The following TM9SF3 variants were observed in gnomAD, a reference collection of about 807,000 sequenced individuals.
TM9SF3 encodes SM-11044-binding protein.
In TM9SF3, 14 loss-of-function variants were observed where a neutral mutation model predicts 78.6. That is an observed-to-expected ratio of 0.18 (90% CI 0.12 to 0.28). TM9SF3 has a LOEUF of 0.28. TM9SF3 is among the 10% of genes least tolerant of loss of function. The pLI is 1.00. For missense variants in TM9SF3, 496 were observed against 721.9 expected (o/e 0.69, Z 3.59); for synonymous variants, 231 against 241.7 (o/e 0.96, Z 0.41).
chr10:96,564,128 C>CAA lies in TM9SF3; in HGVS notation c.421+1174_421+1175dup, dbSNP rs11379304. On this transcript the variant is annotated intron_variant, in intron 3 of 14. Transcript: ENST00000371142. ...AGACATCTTGTCTCTACAAACACACCAAAAAAAAAAAAAAAGAGCCAGGCA... is the reference window on the plus strand; with the variant it reads ...AGACATCTTGTCTCTACAAACACACCAAAAAAAAAAAAAAAAAGAGCCAGGCA... Among the ~76,000 whole-genome samples the CAA allele has an allele frequency of 2.8e-3, 360 of 129,272 alleles. 1 individual carries two copies. The highest frequency in any genetic ancestry group is 7.3e-3 in the African/African-American group (264 of 36,088). 84.8% of individuals were successfully genotyped at this position (129,272 alleles called of 152,430 possible).
At chr10:96,536,983 ATT>A (rs1217476700) in intron 9 of TM9SF3, among the ~76,000 whole-genome samples, 2 of 152,114 alleles carry the variant, frequency 1.3e-5, no homozygotes, top group African/African-American at 4.8e-5. Context: ...TCTTAATAAC[ATT>A]TTCTTTTCCC....
intron 5 of TM9SF3, 50 bp downstream of exon 5, chr10:96,559,609 G>T: frequency 1.5e-6 from 2 of 1,312,160 alleles, no homozygotes; most frequent in Non-Finnish European, 1.1e-6. Context: ...AATGTTTGTT[G>T]AACGAATTGG....
intron 7 of TM9SF3, among the ~76,000 whole-genome samples, chr10:96,549,527 T>C (rs1379995211): frequency 1.3e-5 from 2 of 152,110 alleles, no homozygotes; most frequent in Middle Eastern, 3.2e-3. Context: ...AAATAGAATA[T>C]TTCCTTCATA....
intron 1 of TM9SF3, among the ~76,000 whole-genome samples, chr10:96,578,253 CAT>C (rs1185587655): frequency 6.6e-5 from 10 of 152,150 alleles, no homozygotes; most frequent in African/African-American, 1.9e-4. Flanking sequence ...CTTTTGAACA[CAT>C]GTGACAGGTA....
intron 3 of TM9SF3, among the ~76,000 whole-genome samples, chr10:96,562,879 A>G (rs1266912303): frequency 6.6e-6 from 1 of 152,204 alleles, no homozygotes; most frequent in Admixed American, 6.5e-5. Flanking sequence ...ACCCAAGCCT[A>G]AACAGTTCCC....
intron 5 of TM9SF3, among the ~76,000 whole-genome samples, chr10:96,555,345 A>T (rs2134146320): frequency 6.6e-6 from 1 of 152,260 alleles, no homozygotes. Context: ...TCTCACATAG[A>T]TCTACTTCTA....
At chr10:96,561,310 A>G (rs1274403382) in intron 4 of TM9SF3, among the ~76,000 whole-genome samples, 1 of 152,216 alleles carries the variant, frequency 6.6e-6, no homozygotes, top group Non-Finnish European at 1.5e-5. Context: ...TACAACTATA[A>G]AATTTTTTCA....
chr10:96,577,310 A>C (rs1848507856), intron 1 of TM9SF3, among the ~76,000 whole-genome samples: 1 of 152,116 alleles, frequency 6.6e-6, no homozygotes, highest in Admixed American at 6.6e-5. Flanking sequence ...AGACTTTCAC[A>C]CAGCCACTGG....
At chr10:96,554,327 A>C (rs1270610849) in intron 5 of TM9SF3, among the ~76,000 whole-genome samples, 9 of 152,164 alleles carry the variant, frequency 5.9e-5, no homozygotes, top group African/African-American at 2.2e-4. Context: ...TTTTCAAAGA[A>C]GACATGTTCC....
At chr10:96,549,177 C>T (rs1325904092) in intron 7 of TM9SF3, among the ~76,000 whole-genome samples, 1 of 152,186 alleles carries the variant, frequency 6.6e-6, no homozygotes, top group Non-Finnish European at 1.5e-5. Flanking sequence ...GATACTGATC[C>T]TCTACCTTAT....
chr10:96,584,422 G>C (rs1848607250), intron 1 of TM9SF3, among the ~76,000 whole-genome samples: 1 of 152,216 alleles, frequency 6.6e-6, no homozygotes, highest in African/African-American at 2.4e-5. Flanking sequence ...TTGGCTAACA[G>C]TGAAAAAATA....
intron 1 of TM9SF3, among the ~76,000 whole-genome samples, chr10:96,584,048 A>G (rs2134164355): frequency 1.3e-5 from 2 of 152,204 alleles, no homozygotes; most frequent in Middle Eastern, 3.4e-3. Context: ...AAAACAAAAC[A>G]AAACAAACAA....
chr10:96,552,941 T>C lies in TM9SF3; in HGVS notation c.779A>G (p.Glu260Gly). 6.4e-7 allele frequency: 1 copy of C among 1,555,814 alleles called. No homozygotes were observed. Among genetic ancestry groups the C allele is most frequent in the Non-Finnish European group, 8.6e-7 (1 of 1,158,334 alleles). ...KDYARYSKEE[E>G]MDDMDRDLGD... The stretch of plus-strand genomic sequence containing the variant: ...ATGTTTACTCACCATATCATCCATT[T>C]CTTCCTCTTTACTGTACCGAGCATA... The change falls in exon 6 of 15, where the codon GAA (glutamate) becomes GGA (glycine). Residue 260 changes from glutamate (E) to glycine (G), a missense_variant. By Grantham distance (98) the Glu-to-Gly change is moderately conservative. This residue lies in a region of TM9SF3 where 280 missense variants were observed against 422.6 expected (regional missense o/e 0.66). Transcript: ENST00000371142.
At chr10:96,563,887 A>C (rs1361945032) in intron 3 of TM9SF3, among the ~76,000 whole-genome samples, 1 of 152,186 alleles carries the variant, frequency 6.6e-6, no homozygotes, top group East Asian at 1.9e-4. Flanking sequence ...AGGACATCCA[A>C]AAGTATTTCC....
chr10:96,547,794 TGG>T, intron 8 of TM9SF3, 99 bp downstream of exon 8: 1 of 963,120 alleles, frequency 1.0e-6, no homozygotes, highest in Non-Finnish European at 1.6e-6. Flanking sequence ...CACTCCAGCC[TGG>T]GTGATGGAGT....
At chr10:96,572,553 GTC>G (rs1413867346) in intron 2 of TM9SF3, among the ~76,000 whole-genome samples, 8 of 143,040 alleles carry the variant, frequency 5.6e-5, no homozygotes, top group Non-Finnish European at 1.2e-4. Context: ...TTAAGACAGA[GTC>G]TTGCTCTGTC....
intron 5 of TM9SF3, among the ~76,000 whole-genome samples, chr10:96,555,613 T>C (rs1376843693): frequency 2.0e-5 from 3 of 152,202 alleles, no homozygotes; most frequent in South Asian, 2.1e-4. Context: ...ATAAACTCTA[T>C]GGATCTTCTT....
Position 96,520,452 on chromosome 10 carries a change from A to G in TM9SF3, c.*1811T>C, listed in dbSNP as rs1847751465. 6.4e-6 allele frequency: 1 copy of G among 155,046 alleles called. No homozygotes were observed. The highest frequency in any genetic ancestry group is 1.4e-5 in the Non-Finnish European group (1 of 70,056). The allele number at this position is 155,046 out of a possible 1,614,324, so 9.6% of individuals were successfully genotyped here. A position where few individuals can be genotyped will look rare whatever the true frequency, so the allele number is the denominator to read the frequency against. ...AATATAGGATGTAGAGTCCATCAATAGATAGGTACATATTTTGTAATGAAA... is the reference window on the plus strand; with the variant it reads ...AATATAGGATGTAGAGTCCATCAATGGATAGGTACATATTTTGTAATGAAA... On this transcript the variant is annotated 3_prime_UTR_variant, in exon 15 of 15. Transcript: ENST00000371142.
chr10:96,571,634 C>T (rs1465468546), intron 2 of TM9SF3, among the ~76,000 whole-genome samples: 3 of 152,166 alleles, frequency 2.0e-5, no homozygotes, highest in Non-Finnish European at 4.4e-5. Context: ...ATATATAAGG[C>T]TCTAAACAGC....
Sources: gnomAD v4.1 joint callset for allele counts (sites outside exome capture counted in the v4.1 genomes callset) on GRCh38, gnomAD v4.1.1 for gene constraint, gnomAD v4.1.1 regional missense constraint, MANE v1.5 for transcripts, NCBI Gene and HGNC (gene_info 2026-07-23, HGNC 2026-07-21) for gene names.